NEK6: variants seen among roughly 807,000 people sequenced by gnomAD.
The protein encoded by NEK6 is NIMA related kinase 6, also known as serine/threonine-protein kinase Nek6.
NEK6 carries 27 observed loss-of-function variants against 43.5 expected under a neutral mutation model. The ratio of observed to expected loss-of-function variants is 0.62; its 90% CI spans 0.46 to 0.86. NEK6 has a LOEUF of 0.86. Among genes scored for constraint, NEK6 ranks in the 40% least tolerant of loss-of-function variants. The pLI is 0.00. For synonymous variants in NEK6, 167 were observed against 164.1 expected, an observed-to-expected ratio of 1.02 and a Z score of -0.14; for missense variants, 318 against 414.4, an observed-to-expected ratio of 0.77 and a Z score of 2.02.
chr9:124,320,665 A>AG (rs1417376895), intron 4 of NEK6, among the ~76,000 whole-genome samples: 1 of 152,194 alleles, frequency 6.6e-6, no homozygotes, highest in Non-Finnish European at 1.5e-5. Flanking sequence ...ACTTCCAGCC[A>AG]GGGGGGCACC....
intron 2 of NEK6, among the ~76,000 whole-genome samples, chr9:124,305,819 G>T (rs928225173): frequency 2.0e-5 from 3 of 152,192 alleles, no homozygotes; most frequent in African/African-American, 7.2e-5. Flanking sequence ...GACAGGGAGA[G>T]GCCCCAGACC....
At chr9:124,348,344 C>T (rs1014761319) in intron 9 of NEK6, among the ~76,000 whole-genome samples, 1 of 152,210 alleles carries the variant, frequency 6.6e-6, no homozygotes, top group African/African-American at 2.4e-5. Context: ...GTGGACACAG[C>T]TCCCATGGGT....
chr9:124,328,777 C>T (rs1053093914), intron 7 of NEK6, among the ~76,000 whole-genome samples: 2 of 152,186 alleles, frequency 1.3e-5, no homozygotes, highest in Non-Finnish European at 2.9e-5. Context: ...TAGAGACCAG[C>T]GACTCCCAGC....
intron 1 of NEK6, among the ~76,000 whole-genome samples, chr9:124,289,543 C>T (rs1389535168): frequency 6.6e-6 from 1 of 152,114 alleles, no homozygotes; most frequent in African/African-American, 2.4e-5. Flanking sequence ...GGCATCCAAG[C>T]CACAGCCCCA....
chr9:124,303,839 G>T (rs1423593251), intron 2 of NEK6, among the ~76,000 whole-genome samples: 1 of 152,174 alleles, frequency 6.6e-6, no homozygotes, highest in African/African-American at 2.4e-5. Context: ...ACTAACAATT[G>T]AATCCCCCTT....
chr9:124,346,975 A>C (rs955055619), intron 8 of NEK6, among the ~76,000 whole-genome samples: 2 of 152,104 alleles, frequency 1.3e-5, no homozygotes, highest in Admixed American at 1.3e-4. Context: ...ACATTTTACA[A>C]ATGAGGAAAC....
At chr9:124,264,146 C>G (rs1036635759) in intron 1 of NEK6, among the ~76,000 whole-genome samples, 4 of 152,218 alleles carry the variant, frequency 2.6e-5, no homozygotes, top group African/African-American at 7.2e-5. Flanking sequence ...CCCCCGCCCC[C>G]CAAAGCCATT....
intron 1 of NEK6, among the ~76,000 whole-genome samples, chr9:124,277,507 C>A (rs964750701): frequency 6.6e-6 from 1 of 152,212 alleles, no homozygotes; most frequent in African/African-American, 2.4e-5. Context: ...CTACCCTTTC[C>A]TGCTGGGTGT....
chr9:124,322,706 C>T (rs1350923656), intron 5 of NEK6, among the ~76,000 whole-genome samples: 1 of 152,240 alleles, frequency 6.6e-6, no homozygotes, highest in Non-Finnish European at 1.5e-5. Flanking sequence ...TGCCTGCTCC[C>T]AAGTGAGGCT....
chr9:124,284,930 G>A (rs1339174375), intron 1 of NEK6, among the ~76,000 whole-genome samples: 1 of 152,234 alleles, frequency 6.6e-6, no homozygotes, highest in African/African-American at 2.4e-5. Flanking sequence ...AGGCAGGAAT[G>A]CCCACCTCAT....
chr9:124,317,651 G>A (rs1833883570), intron 4 of NEK6, among the ~76,000 whole-genome samples: 1 of 152,208 alleles, frequency 6.6e-6, no homozygotes, highest in Admixed American at 6.5e-5. Flanking sequence ...TACCCAATGG[G>A]AAGTTTTTCA....
chr9:124,317,931 G>A (rs566578244), intron 4 of NEK6, among the ~76,000 whole-genome samples: 24 of 152,242 alleles, frequency 1.6e-4, no homozygotes, highest in Middle Eastern at 3.4e-3. Context: ...CCATTTCTGC[G>A]CACCTAGATT....
At chr9:124,297,894 A>ATTCT (rs1832771705) in intron 1 of NEK6, among the ~76,000 whole-genome samples, 1 of 152,178 alleles carries the variant, frequency 6.6e-6, no homozygotes, top group Non-Finnish European at 1.5e-5. Flanking sequence ...CCCCCTAAGA[A>ATTCT]GCAGTTTCTG....
intron 1 of NEK6, among the ~76,000 whole-genome samples, chr9:124,296,572 A>G (rs1353815592): frequency 6.6e-6 from 1 of 152,220 alleles, no homozygotes; most frequent in Non-Finnish European, 1.5e-5. Context: ...AGAGGCAGGC[A>G]GGACACACAC....
chr9:124,328,221 G>A (rs183661821), intron 7 of NEK6, among the ~76,000 whole-genome samples: 33 of 152,242 alleles, frequency 2.2e-4, no homozygotes, highest in Non-Finnish European at 3.2e-4. Context: ...AATGCTGTAC[G>A]ATGGGGGATT....
intron 1 of NEK6, among the ~76,000 whole-genome samples, chr9:124,261,998 A>G (rs1331137132): frequency 6.7e-6 from 1 of 148,736 alleles, no homozygotes; most frequent in Admixed American, 6.7e-5. Context: ...AGTGGTGTGC[A>G]CATGCCGTGG....
chr9:124,259,339 G>A (rs555988312), intron 1 of NEK6: 2 of 152,230 alleles, frequency 1.3e-5, no homozygotes, highest in Admixed American at 1.3e-4. Context: ...AGGTCTTGGA[G>A]GCACGTTTAA....
At chr9:124,257,886 G>C, upstream of NEK6, 2 of 985,254 alleles carry the variant, frequency 2.0e-6, no homozygotes, top group Non-Finnish European at 2.4e-6. Flanking sequence ...GCGCACGAGC[G>C]CTGGGGGCGG....
At chr9:124,332,604 A>G (rs546379086) in intron 7 of NEK6, among the ~76,000 whole-genome samples, 16 of 152,326 alleles carry the variant, frequency 1.1e-4, no homozygotes, top group South Asian at 4.1e-4. Context: ...CTGCTTTCCA[A>G]TCCACCATCT....
Sources: gnomAD v4.1 joint callset for allele counts (sites outside exome capture counted in the v4.1 genomes callset) on GRCh38, gnomAD v4.1.1 for gene constraint, MANE v1.5 for transcripts, NCBI Gene and HGNC (gene_info 2026-07-23, HGNC 2026-07-21) for gene names.